The following PDS5A variants were observed in gnomAD, a reference collection of about 807,000 sequenced individuals.
The protein encoded by PDS5A is PDS5 cohesin associated factor A, also known as sister chromatid cohesion protein PDS5 homolog A.
PDS5A carries 42 observed loss-of-function variants against 167.1 expected under a neutral mutation model. The observed-to-expected ratio is 0.25, with a 90% CI of 0.20 to 0.33. PDS5A has a LOEUF of 0.33. Ranked by LOEUF, PDS5A falls within the 10% of genes least tolerant of loss-of-function variation. PDS5A has a pLI of 1.00. For synonymous variants in PDS5A, 553 were observed against 554.6 expected, an observed-to-expected ratio of 1.00 and a Z score of 0.04; for missense variants, 1,033 against 1,605.9, an observed-to-expected ratio of 0.64 and a Z score of 6.10.
chr4:39,842,903 C>CCATATATATATATA (rs1717157392), intron 30 of PDS5A, among the ~76,000 whole-genome samples: 2 of 23,994 alleles, frequency 8.3e-5, no homozygotes, highest in East Asian at 2.3e-3. Flanking sequence ...TAAACTTATC[C>CCATATATATATATA]TATTTTTATA....
chr4:39,831,313 C>G (rs112858957), intron 32 of PDS5A, among the ~76,000 whole-genome samples: 1 of 152,062 alleles, frequency 6.6e-6, no homozygotes, highest in African/African-American at 2.4e-5. Context: ...ATTGGCCAGG[C>G]TGGTCTTGAA....
intron 9 of PDS5A, among the ~76,000 whole-genome samples, chr4:39,910,861 A>G (rs1349317324): frequency 1.3e-5 from 2 of 152,108 alleles, no homozygotes; most frequent in Non-Finnish European, 2.9e-5. Context: ...CAGGCATGGT[A>G]GCATGCCTCT....
chr4:39,848,037 T>C (rs777091190), intron 28 of PDS5A: 2 of 152,170 alleles, frequency 1.3e-5, no homozygotes, highest in Admixed American at 6.5e-5. Flanking sequence ...TGTGTGCTCC[T>C]TATGAGAATC....
chr4:39,892,014 G>A (rs1167613087), intron 16 of PDS5A, among the ~76,000 whole-genome samples: 1 of 152,194 alleles, frequency 6.6e-6, no homozygotes, highest in African/African-American at 2.4e-5. Context: ...AGGAGGCTGA[G>A]GTGGGGGGGA....
intron 29 of PDS5A, 30 bp from the exon 30 acceptor site, chr4:39,844,831 A>T: frequency 6.3e-7 from 1 of 1,587,006 alleles, no homozygotes; most frequent in Non-Finnish European, 8.5e-7. Context: ...ACCCCCCAAA[A>T]ACACACACGT....
intron 11 of PDS5A, among the ~76,000 whole-genome samples, chr4:39,904,488 G>A (rs2004209): frequency 0.21 from 31,146 of 151,902 alleles, 3,714 homozygotes; most frequent in African/African-American, 0.32. Context: ...ACAGGCGCCC[G>A]CACGCCCGGC....
intron 9 of PDS5A, among the ~76,000 whole-genome samples, chr4:39,913,217 T>A (rs1724049141): frequency 6.6e-6 from 1 of 152,004 alleles, no homozygotes; most frequent in Admixed American, 6.6e-5. Flanking sequence ...CTTGCGTAGT[T>A]GCGGTTCCAG....
At chr4:39,865,128 C>T (rs560667708) in intron 23 of PDS5A, among the ~76,000 whole-genome samples, 3 of 151,908 alleles carry the variant, frequency 2.0e-5, no homozygotes, top group Admixed American at 6.6e-5. Context: ...TTGCTTATAA[C>T]GTTTTTTTTT....
chr4:39,961,025 G>C (rs1212753438), intron 2 of PDS5A, among the ~76,000 whole-genome samples: 1 of 145,148 alleles, frequency 6.9e-6, no homozygotes, highest in African/African-American at 2.5e-5. Flanking sequence ...GGTCTCACCG[G>C]CCTTGAACTC....
chr4:39,907,230 CAA>C (rs1378673983), intron 11 of PDS5A, among the ~76,000 whole-genome samples: 1 of 152,128 alleles, frequency 6.6e-6, no homozygotes, highest in Non-Finnish European at 1.5e-5. Context: ...AAAAAATCTT[CAA>C]AGTTAAAATT....
intron 2 of PDS5A, among the ~76,000 whole-genome samples, chr4:39,940,064 C>T (rs1727080981): frequency 1.3e-5 from 2 of 152,008 alleles, no homozygotes; most frequent in Non-Finnish European, 2.9e-5. Flanking sequence ...TTAAGATGGG[C>T]CTGGCTAACA....
intron 11 of PDS5A, among the ~76,000 whole-genome samples, chr4:39,907,402 C>T (rs915741466): frequency 4.6e-5 from 7 of 152,018 alleles, no homozygotes; most frequent in South Asian, 4.2e-4. Context: ...CATTTGCAGA[C>T]GAAAGTAATT....
At chr4:39,973,318 T>C in intron 2 of PDS5A, 2 of 1,607,462 alleles carry the variant, frequency 1.2e-6, no homozygotes, top group African/African-American at 2.7e-5. Flanking sequence ...TTCCTGACCT[T>C]GTACATGAAC....
At chr4:39,862,458 A>G (rs1413843496) in intron 25 of PDS5A, 125 bp from the exon 26 acceptor site, 1 of 513,530 alleles carries the variant, frequency 1.9e-6, no homozygotes, top group African/African-American at 2.0e-5. Context: ...ATACCTGGAT[A>G]CTAAAATACT....
Position 39,837,852 on chromosome 4 carries a change from T to C in PDS5A, c.4010+4A>G. ...CCCACTTGAGGAAGAATGGCGTACATTACCTTTGTAAGTCAATTTGTCTTT... is the reference window on the plus strand; with the variant it reads ...CCCACTTGAGGAAGAATGGCGTACACTACCTTTGTAAGTCAATTTGTCTTT... On this transcript the variant is annotated splice_donor_region_variant and intron_variant, in intron 32 of 32. Coordinates refer to ENST00000303538, the MANE Select transcript of PDS5A (RefSeq NM_001100399.2). The C allele has an allele frequency of 1.2e-6, 2 of 1,600,862 alleles. No individual in the cohort carries two copies. Among genetic ancestry groups the C allele is most frequent in the Non-Finnish European group, 1.7e-6 (2 of 1,173,040 alleles).
At chr4:39,921,758 AT>A (rs550236307) in intron 6 of PDS5A, among the ~76,000 whole-genome samples, 1 of 152,060 alleles carries the variant, frequency 6.6e-6, no homozygotes, top group Non-Finnish European at 1.5e-5. Context: ...TCCCAAAAAA[AT>A]ACCACCAACC....
In PDS5A at chr4:39,862,209, C is replaced by G. The variant is rs1218360124; in HGVS notation, c.3086+10G>C. On this transcript the variant is annotated intron_variant, in intron 26 of 32. Coordinates refer to ENST00000303538, the MANE Select transcript of PDS5A (RefSeq NM_001100399.2). ...AATTTTTAGAGTTCTTGAAAAACAA[C>G]AAGACTTACTCTTTGATATCACGAA... 1 of 1,166,416 alleles carries G rather than the reference C, an allele frequency of 8.6e-7. No homozygotes were observed. Among genetic ancestry groups the G allele is most frequent in the Non-Finnish European group, 1.2e-6 (1 of 834,748 alleles). 72.3% of individuals were successfully genotyped at this position (1,166,416 alleles called of 1,614,324 possible).
intron 15 of PDS5A, 33 bp downstream of exon 15, chr4:39,898,744 C>G: frequency 7.3e-7 from 1 of 1,374,164 alleles, no homozygotes; most frequent in Non-Finnish European, 1.0e-6. Flanking sequence ...TTTACGTTTA[C>G]TACATGTTTA....
chr4:39,891,891 C>T (rs1234128968), intron 16 of PDS5A, among the ~76,000 whole-genome samples: 1 of 150,372 alleles, frequency 6.7e-6, no homozygotes, highest in Non-Finnish European at 1.5e-5. Context: ...GGTGGATTGC[C>T]TGAGCTCAAG....
Sources: allele counts gnomAD v4.1 joint callset (sites outside exome capture counted in the v4.1 genomes callset), GRCh38; gene constraint gnomAD v4.1.1; transcripts MANE v1.5; gene names NCBI Gene and HGNC (gene_info 2026-07-23, HGNC 2026-07-21).